ANKFN1: variants seen among roughly 807,000 people sequenced by gnomAD.
The protein encoded by ANKFN1 is ankyrin repeat and fibronectin type III domain containing 1.
A neutral mutation model predicts 108.7 loss-of-function variants in ANKFN1; 74 were observed. The ratio of observed to expected loss-of-function variants is 0.68; its 90% CI spans 0.56 to 0.83. The LOEUF is 0.83. Ranked by LOEUF, ANKFN1 falls within the 40% of genes least tolerant of loss-of-function variation. ANKFN1 has a pLI of 0.00. For synonymous variants in ANKFN1, 547 were observed against 516.2 expected (o/e 1.06, Z -0.81); for missense variants, 1,505 against 1,382.3 (o/e 1.09, Z -1.41).
intron 1 of ANKFN1, among the ~76,000 whole-genome samples, chr17:56,166,807 C>T (rs1327573721): frequency 2.0e-5 from 3 of 152,122 alleles, no homozygotes; most frequent in Non-Finnish European, 4.4e-5. Context: ...AAACCCTATA[C>T]CCCCTCTCTG....
intron 1 of ANKFN1, among the ~76,000 whole-genome samples, chr17:56,193,602 G>T (rs918446891): frequency 7.0e-6 from 1 of 143,672 alleles, no homozygotes; most frequent in African/African-American, 2.6e-5. Flanking sequence ...AAAGAATCTA[G>T]ACACAGACCT....
At chr17:56,184,604 T>C (rs1326764096) in intron 1 of ANKFN1, 28 of 152,204 alleles carry the variant, frequency 1.8e-4, no homozygotes, top group Admixed American at 1.8e-3. Flanking sequence ...GATTTTGATA[T>C]TCAAAACCAC....
At chr17:56,361,022 T>C (rs116159282) in intron 6 of ANKFN1, among the ~76,000 whole-genome samples, 2,359 of 152,222 alleles carry the variant, frequency 0.015, 66 homozygotes, top group African/African-American at 0.054. Context: ...GCAACCACTA[T>C]TCTACTCTCT....
intron 4 of ANKFN1, among the ~76,000 whole-genome samples, chr17:56,096,607 C>T (rs956219452): frequency 1.3e-5 from 2 of 152,136 alleles, no homozygotes; most frequent in African/African-American, 4.8e-5. Flanking sequence ...ATCAAAACCA[C>T]AAAAATGCTG....
intron 4 of ANKFN1, among the ~76,000 whole-genome samples, chr17:56,112,500 T>C (rs1906024867): frequency 1.3e-5 from 2 of 151,898 alleles, no homozygotes; most frequent in Non-Finnish European, 2.9e-5. Context: ...AAAAGTGAAA[T>C]TCTCTTTCTA....
intron 4 of ANKFN1, among the ~76,000 whole-genome samples, chr17:56,341,539 C>CT (rs1364130133): frequency 6.6e-6 from 1 of 151,930 alleles, no homozygotes; most frequent in Non-Finnish European, 1.5e-5. Flanking sequence ...TATCAGAAAC[C>CT]TTTTTTTCAT....
intron 4 of ANKFN1, among the ~76,000 whole-genome samples, chr17:56,134,786 C>T (rs946691518): frequency 2.2e-4 from 33 of 152,272 alleles, no homozygotes; most frequent in African/African-American, 7.5e-4. Context: ...CTATTTTGTA[C>T]CCTAGTATAA....
chr17:56,052,195 C>G (rs565825843), intron 4 of ANKFN1, among the ~76,000 whole-genome samples: 1 of 152,298 alleles, frequency 6.6e-6, no homozygotes, highest in South Asian at 2.1e-4. Context: ...GTAACCAAAA[C>G]AGCATGGTAC....
chr17:56,501,268 G>A (rs918386851), intron 20 of ANKFN1, among the ~76,000 whole-genome samples: 3 of 152,194 alleles, frequency 2.0e-5, no homozygotes, highest in Non-Finnish European at 2.9e-5. Flanking sequence ...ATAGTAAAAA[G>A]TCTGGATTTT....
intron 11 of ANKFN1, 105 bp downstream of exon 11, chr17:56,449,291 A>G (rs2049407017): frequency 2.7e-6 from 2 of 741,850 alleles, no homozygotes; most frequent in Non-Finnish European, 4.3e-6. Flanking sequence ...TCAGGGAGAG[A>G]GATATTAATA....
At chr17:56,127,163 G>T (rs1463821052) in intron 4 of ANKFN1, among the ~76,000 whole-genome samples, 2 of 152,090 alleles carry the variant, frequency 1.3e-5, no homozygotes, top group East Asian at 3.9e-4. Flanking sequence ...AGTGCACCGA[G>T]CACTTTGCAT....
chr17:56,174,324 C>T (rs145005075), intron 1 of ANKFN1: 1 of 985,560 alleles, frequency 1.0e-6, no homozygotes, highest in African/African-American at 1.7e-5. Context: ...GGAGCTGATG[C>T]CACCTGGAAT....
In ANKFN1 at chr17:56,185,397, T is replaced by C. The variant is rs1388888828; in HGVS notation, c.-70-27201T>C. The stretch of plus-strand genomic sequence containing the variant: ...AATCCCAGTTTTAATTATTTTGCCA[T>C]AGGACAGGGTCTCCATAACCTTTAT... On this transcript the variant is annotated intron_variant, in intron 1 of 20. Transcript: ENST00000682825. Among the ~76,000 whole-genome samples, 2 of 152,318 alleles carry C rather than the reference T, an allele frequency of 1.3e-5. 1 individual carries two copies. The highest frequency in any genetic ancestry group is 4.8e-5 in the African/African-American group (2 of 41,576).
At chr17:56,417,659 T>G (rs1359915157) in intron 8 of ANKFN1, among the ~76,000 whole-genome samples, 1 of 152,192 alleles carries the variant, frequency 6.6e-6, no homozygotes, top group Non-Finnish European at 1.5e-5. Flanking sequence ...AGTCACCCAG[T>G]GTGCAGGAGT....
At chr17:56,201,136 T>C (rs984027074) in intron 1 of ANKFN1, among the ~76,000 whole-genome samples, 7 of 152,158 alleles carry the variant, frequency 4.6e-5, no homozygotes, top group African/African-American at 1.7e-4. Context: ...CTGTTGCCTT[T>C]CATTGCTCTT....
chr17:56,457,370 A>T lies in ANKFN1; in HGVS notation c.1421A>T (p.Asp474Val). Residue 474 changes from aspartate to valine, a missense_variant, in exon 13 of 21, where the codon GAT (aspartate) becomes GTT (valine). By Grantham distance (152) the Asp-to-Val change is radical. Transcript: ENST00000682825. ...TCTCACACCAGTTCTATTACACAAG[A>T]TTTTCTGTGGTTCACGAAGGTATAC... ...DDSHTSSITQ[D>V]FLWFTKLSCM... is the part of the protein sequence containing the mutation. The T allele has an allele frequency of 6.3e-7, 1 of 1,598,466 alleles. No individual in the cohort carries two copies. The highest frequency in any genetic ancestry group is 8.5e-7 in the Non-Finnish European group (1 of 1,176,436).
intron 3 of ANKFN1, among the ~76,000 whole-genome samples, chr17:56,248,355 T>C (rs2043162997): frequency 6.6e-6 from 1 of 152,176 alleles, no homozygotes; most frequent in Middle Eastern, 3.2e-3. Flanking sequence ...TACTACCAAA[T>C]ATTGCTGTTG....
At chr17:56,489,114 A>G (rs959424444) in intron 18 of ANKFN1, among the ~76,000 whole-genome samples, 3 of 152,236 alleles carry the variant, frequency 2.0e-5, no homozygotes, top group Non-Finnish European at 2.9e-5. Flanking sequence ...TCAGATGGCT[A>G]AGCCCATGTA....
chr17:56,331,701 T>C (rs1278465342), intron 4 of ANKFN1, among the ~76,000 whole-genome samples: 1 of 152,206 alleles, frequency 6.6e-6, no homozygotes, highest in Non-Finnish European at 1.5e-5. Context: ...CTAACCTCTC[T>C]GGGCCTCAGT....
Sources: allele counts gnomAD v4.1 joint callset (sites outside exome capture counted in the v4.1 genomes callset), GRCh38; gene constraint gnomAD v4.1.1; transcripts MANE v1.5; gene names NCBI Gene and HGNC (gene_info 2026-07-23, HGNC 2026-07-21).